Variants in PLEKHM3 observed in about 807,000 individuals in gnomAD.
The protein encoded by PLEKHM3 is pleckstrin homology domain containing M3, also known as pleckstrin homology domain-containing family M member 3.
Under a neutral mutation model 81.8 loss-of-function variants are expected in PLEKHM3, and 45 were observed. The ratio of observed to expected loss-of-function variants is 0.55; its 90% CI spans 0.43 to 0.71. PLEKHM3 has a LOEUF of 0.71. Ranked by LOEUF, PLEKHM3 falls within the 30% of genes least tolerant of loss-of-function variation. The pLI is 0.00. For missense variants in PLEKHM3, 788 were observed against 924.3 expected (o/e 0.85, Z 1.91); for synonymous variants, 352 against 356.4 (o/e 0.99, Z 0.14).
chr2:207,854,601 A>G (rs2092428711), intron 7 of PLEKHM3, among the ~76,000 whole-genome samples: 1 of 152,188 alleles, frequency 6.6e-6, no homozygotes. Context: ...GCCTTTTCAC[A>G]GGGTTGTATA....
At chr2:207,958,336 ACT>A (rs111844457) in intron 3 of PLEKHM3, among the ~76,000 whole-genome samples, 6,917 of 152,252 alleles carry the variant, frequency 0.045, 498 homozygotes, top group African/African-American at 0.15. Context: ...CTCACCAAGA[ACT>A]CTTACTTGAA....
At chr2:207,910,186 C>A (rs566620311) in intron 5 of PLEKHM3, among the ~76,000 whole-genome samples, 15 of 152,266 alleles carry the variant, frequency 9.9e-5, no homozygotes, top group African/African-American at 3.6e-4. Context: ...GCTGCACTTG[C>A]GACAGGAAGC....
At chr2:207,920,457 G>A (rs1222016472) in intron 5 of PLEKHM3, among the ~76,000 whole-genome samples, 1 of 152,150 alleles carries the variant, frequency 6.6e-6, no homozygotes, top group Admixed American at 6.5e-5. Context: ...AATTTCCCAG[G>A]AGTGGATTTC....
At chr2:207,900,922 C>T in intron 6 of PLEKHM3, 1 of 255,794 alleles carries the variant, frequency 3.9e-6, no homozygotes, top group Non-Finnish European at 7.4e-6. Flanking sequence ...ATTATGATTA[C>T]TCTTTTAAAA....
chr2:207,996,065 T>C (rs1003335039), intron 2 of PLEKHM3, among the ~76,000 whole-genome samples: 1 of 152,212 alleles, frequency 6.6e-6, no homozygotes, highest in African/African-American at 2.4e-5. Flanking sequence ...AAGGGAAATC[T>C]TAATTGTGCC....
At position 207,899,166 on chromosome 2, in the gene PLEKHM3, C is replaced by T. The variant is rs113599720; in HGVS notation, c.1950+9348G>A. 1.0e-3 allele frequency among the ~76,000 whole-genome samples: 155 copies of T among 152,322 alleles called. 2 individuals are homozygous for T. The Middle Eastern group carries it at 0.017, about 17-fold the overall frequency. On this transcript the variant is annotated intron_variant, in intron 6 of 7. Coordinates refer to ENST00000427836, the MANE Select transcript of PLEKHM3 (RefSeq NM_001080475.3). ...TGGCAATGCTGTCTTCTGAGGTTGC[C>T]ATGCATCCTGGTTACATTTCTGAAT... is the stretch of plus-strand genomic sequence containing the variant.
intron 6 of PLEKHM3, chr2:207,900,413 A>T (rs150995001): frequency 3.9e-5 from 6 of 152,408 alleles, no homozygotes; most frequent in African/African-American, 1.2e-4. Flanking sequence ...ATCACATGGC[A>T]TCACTTCCAT....
intron 6 of PLEKHM3, among the ~76,000 whole-genome samples, chr2:207,902,166 C>A (rs1348140925): frequency 6.6e-6 from 1 of 152,138 alleles, no homozygotes; most frequent in African/African-American, 2.4e-5. Context: ...AAGATGTCAA[C>A]CCCTGTGTGA....
Position 208,001,089 on chromosome 2 carries a change from G to T in PLEKHM3, c.551C>A (p.Thr184Asn), listed in dbSNP as rs777774594. The T allele has an allele frequency of 1.0e-5, 16 of 1,574,532 alleles. No homozygotes were observed. The East Asian group carries it at 3.8e-4, about 38-fold the overall frequency. ...QQPLLQGPHV[T>N]RPSFLLPSPN... ...TGAGGGCAACAGAAAAGATGGCCTG[G>T]TGACATGCGGGCCTTGAAGCAATGG... Residue 184 changes from threonine (T) to asparagine (N), a missense_variant, in exon 2 of 8, where the codon ACC becomes AAC. Physicochemically the swap from Thr to Asn is moderately conservative, Grantham distance 65. Coordinates refer to ENST00000427836, the MANE Select transcript of PLEKHM3 (RefSeq NM_001080475.3).
intron 5 of PLEKHM3, among the ~76,000 whole-genome samples, chr2:207,928,336 C>T (rs1357711759): frequency 1.3e-5 from 2 of 152,198 alleles, no homozygotes; most frequent in Non-Finnish European, 2.9e-5. Context: ...CATCCACTCT[C>T]CCTTGCTCAC....
intron 1 of PLEKHM3, among the ~76,000 whole-genome samples, chr2:208,007,297 T>C (rs1416167785): frequency 6.6e-6 from 1 of 152,218 alleles, no homozygotes; most frequent in Non-Finnish European, 1.5e-5. Flanking sequence ...TGTGGCCGAC[T>C]GAGAATTTTC....
intron 5 of PLEKHM3, among the ~76,000 whole-genome samples, chr2:207,913,859 G>A (rs1302790654): frequency 6.6e-6 from 1 of 152,002 alleles, no homozygotes; most frequent in African/African-American, 2.4e-5. Context: ...AGGCCTAAAG[G>A]AAATGGGATG....
chr2:207,841,841 A>G (rs1434768482), intron 7 of PLEKHM3, among the ~76,000 whole-genome samples: 1 of 152,180 alleles, frequency 6.6e-6, no homozygotes, highest in Non-Finnish European at 1.5e-5. Flanking sequence ...TATATCTGAT[A>G]GAAACAGTCT....
chr2:207,872,911 C>G (rs1369659836), intron 6 of PLEKHM3, among the ~76,000 whole-genome samples: 1 of 152,060 alleles, frequency 6.6e-6, no homozygotes, highest in African/African-American at 2.4e-5. Context: ...GCAACTACAG[C>G]TGAGGAAAAA....
chr2:207,984,544 C>G (rs993514614), intron 2 of PLEKHM3, among the ~76,000 whole-genome samples: 21 of 152,090 alleles, frequency 1.4e-4, no homozygotes, highest in African/African-American at 4.8e-4. Context: ...CCACACCCAG[C>G]TGGTTTTTGT....
chr2:207,906,923 T>A (rs1688629049), intron 6 of PLEKHM3, among the ~76,000 whole-genome samples: 1 of 152,152 alleles, frequency 6.6e-6, no homozygotes, highest in Non-Finnish European at 1.5e-5. Context: ...CTGAAGGATA[T>A]GAGCATGGTT....
intron 2 of PLEKHM3, among the ~76,000 whole-genome samples, chr2:207,999,480 C>T (rs940088958): frequency 6.6e-6 from 1 of 152,066 alleles, no homozygotes; most frequent in African/African-American, 2.4e-5. Flanking sequence ...GCCGGGCCTG[C>T]CTGTAGTCCC....
chr2:207,979,147 C>T lies in PLEKHM3; in HGVS notation c.611-1561G>A, dbSNP rs928697101. Among the ~76,000 whole-genome samples the T allele has an allele frequency of 3.9e-5, 6 of 152,084 alleles. No homozygotes were observed. In the East Asian group the frequency reaches 7.7e-4, roughly 20 times the overall value. On this transcript the variant is annotated intron_variant, in intron 2 of 7. Coordinates refer to ENST00000427836, the MANE Select transcript of PLEKHM3 (RefSeq NM_001080475.3). ...CCTCTGTTTTACAAGTCATGCCATC[C>T]GTAATCAATGATTAGCTGCAATATA...
At chr2:207,999,287 T>C (rs1410774722) in intron 2 of PLEKHM3, among the ~76,000 whole-genome samples, 2 of 151,276 alleles carry the variant, frequency 1.3e-5, no homozygotes, top group Non-Finnish European at 2.9e-5. Context: ...TGTCCCTTAA[T>C]ATCTAATCAG....
Sources: gnomAD v4.1 joint callset for allele counts (sites outside exome capture counted in the v4.1 genomes callset) on GRCh38, gnomAD v4.1.1 for gene constraint, MANE v1.5 for transcripts, NCBI Gene and HGNC (gene_info 2026-07-23, HGNC 2026-07-21) for gene names.